The following MTUS2 variants were observed in gnomAD, a reference collection of about 807,000 sequenced individuals.
The protein encoded by MTUS2 is microtubule associated scaffold protein 2, also known as microtubule-associated tumor suppressor candidate 2.
Under a neutral mutation model 114.1 loss-of-function variants are expected in MTUS2, and 40 were observed. The observed-to-expected ratio is 0.35, with a 90% CI of 0.27 to 0.46. The LOEUF (loss-of-function observed/expected upper bound fraction) is 0.46. Among genes scored for constraint, MTUS2 ranks in the 20% least tolerant of loss-of-function variants. MTUS2 has a pLI of 1.00. For missense variants in MTUS2, 1,679 were observed against 1,705.4 expected, an observed-to-expected ratio of 0.98 and a Z score of 0.27; for synonymous variants, 688 against 672.0, an observed-to-expected ratio of 1.02 and a Z score of -0.37.
chr13:29,057,169 T>G (rs1285158162), intron 4 of MTUS2, among the ~76,000 whole-genome samples: 1 of 152,092 alleles, frequency 6.6e-6, no homozygotes, highest in Non-Finnish European at 1.5e-5. Flanking sequence ...AGTGTGTTTG[T>G]TATGATTTTG....
rs555402550 is a variant in MTUS2 at position 29,159,367 on chromosome 13, G to A, written c.2644+58397G>A. Among the ~76,000 whole-genome samples, 15 of 152,156 alleles carry A rather than the reference G, an allele frequency of 9.9e-5. No individual in the cohort carries two copies. The South Asian group carries it at 2.5e-3, about 25-fold the overall frequency. On this transcript the variant is annotated intron_variant, in intron 5 of 15. Transcript: ENST00000612955. ...TATATACACATAGACACATACATACGTACTCTGGACTTAAATGTGAAACAT... is the reference window on the plus strand; with the variant it reads ...TATATACACATAGACACATACATACATACTCTGGACTTAAATGTGAAACAT...
chr13:29,052,445 C>G (rs1887941335), intron 4 of MTUS2, among the ~76,000 whole-genome samples: 1 of 124,228 alleles, frequency 8.0e-6, no homozygotes. Flanking sequence ...CACACCACTG[C>G]ATGCTAGCCT....
chr13:29,268,783 C>T (rs916984305), intron 5 of MTUS2, among the ~76,000 whole-genome samples: 2 of 152,144 alleles, frequency 1.3e-5, no homozygotes, highest in African/African-American at 4.8e-5. Flanking sequence ...AGGCAACAGT[C>T]CAGTTGTGCG....
chr13:29,334,981 TG>T (rs1389284519), intron 7 of MTUS2, among the ~76,000 whole-genome samples: 1 of 152,172 alleles, frequency 6.6e-6, no homozygotes, highest in Admixed American at 6.5e-5. Context: ...CTGTAGAGCA[TG>T]TGTGTTTGAA....
intron 5 of MTUS2, among the ~76,000 whole-genome samples, chr13:29,161,316 G>A (rs759949681): frequency 4.6e-5 from 7 of 152,018 alleles, no homozygotes; most frequent in African/African-American, 1.7e-4. Context: ...AGAAGATTGC[G>A]CCGTATTAAT....
chr13:28,943,981 GT>G (rs1419332136), intron 2 of MTUS2, among the ~76,000 whole-genome samples: 1 of 151,898 alleles, frequency 6.6e-6, no homozygotes, highest in Non-Finnish European at 1.5e-5. Context: ...TTTTTTCCTA[GT>G]TTTTTGTTTG....
At chr13:29,123,421 A>G (rs1485006231) in intron 5 of MTUS2, among the ~76,000 whole-genome samples, 1 of 152,136 alleles carries the variant, frequency 6.6e-6, no homozygotes, top group African/African-American at 2.4e-5. Context: ...TTAATATTTA[A>G]AACACAAACC....
intron 6 of MTUS2, among the ~76,000 whole-genome samples, chr13:29,314,769 A>C (rs920471212): frequency 1.3e-5 from 2 of 152,148 alleles, no homozygotes; most frequent in African/African-American, 4.8e-5. Context: ...TCAGTACAGA[A>C]CTTTGTTTTA....
chr13:29,255,762 G>A (rs377015581), intron 5 of MTUS2, among the ~76,000 whole-genome samples: 1 of 152,110 alleles, frequency 6.6e-6, no homozygotes, highest in East Asian at 1.9e-4. Flanking sequence ...AGCAGGGACA[G>A]TGCTACCTAG....
At chr13:29,389,355 A>G (rs552430008) in intron 8 of MTUS2, among the ~76,000 whole-genome samples, 1,031 of 82,564 alleles carry the variant, frequency 0.012, 159 homozygotes, top group African/African-American at 0.046. Context: ...GTGTGTGTAT[A>G]TATGTATGCA....
chr13:29,478,427 A>G (rs1880871340), intron 9 of MTUS2, among the ~76,000 whole-genome samples: 1 of 152,210 alleles, frequency 6.6e-6, no homozygotes, highest in Admixed American at 6.5e-5. Flanking sequence ...TTATACAATA[A>G]TGTCCTTGTA....
intron 5 of MTUS2, among the ~76,000 whole-genome samples, chr13:29,160,162 G>C (rs544933649): frequency 6.6e-6 from 1 of 152,142 alleles, no homozygotes; most frequent in Admixed American, 6.5e-5. Context: ...GCTACTTAGC[G>C]GTAATCAGGA....
At chr13:29,077,408 G>T (rs551518553) in intron 4 of MTUS2, among the ~76,000 whole-genome samples, 1 of 151,930 alleles carries the variant, frequency 6.6e-6, no homozygotes, top group Non-Finnish European at 1.5e-5. Context: ...AAAAAAAAAT[G>T]AGCCCAAACA....
chr13:28,891,589 A>C (rs1176446736), intron 2 of MTUS2, among the ~76,000 whole-genome samples: 1 of 152,106 alleles, frequency 6.6e-6, no homozygotes, highest in African/African-American at 2.4e-5. Context: ...ATAAATAAGA[A>C]TAACAACAGG....
chr13:29,111,401 C>G (rs759486765), intron 5 of MTUS2, among the ~76,000 whole-genome samples: 2 of 152,190 alleles, frequency 1.3e-5, no homozygotes, highest in Non-Finnish European at 2.9e-5. Context: ...CTTACCCTCT[C>G]TCTAATGCCG....
At chr13:28,863,683 T>C (rs896446543) in intron 2 of MTUS2, among the ~76,000 whole-genome samples, 10 of 152,258 alleles carry the variant, frequency 6.6e-5, no homozygotes, top group African/African-American at 2.4e-4. Flanking sequence ...TTTTAAAAAT[T>C]AATTTATATT....
chr13:29,056,163 A>T (rs1179064100), intron 4 of MTUS2, among the ~76,000 whole-genome samples: 1 of 151,886 alleles, frequency 6.6e-6, no homozygotes, highest in Non-Finnish European at 1.5e-5. Context: ...ATTTCCTCCT[A>T]TGTCCAGATA....
chr13:29,232,536 C>A (rs552701896), intron 5 of MTUS2, among the ~76,000 whole-genome samples: 1 of 152,316 alleles, frequency 6.6e-6, no homozygotes, highest in South Asian at 2.1e-4. Flanking sequence ...GGTTTCTAAT[C>A]TGTTTTACAG....
intron 2 of MTUS2, among the ~76,000 whole-genome samples, chr13:28,887,338 G>A (rs745637483): frequency 3.3e-5 from 5 of 152,072 alleles, no homozygotes; most frequent in African/African-American, 7.2e-5. Context: ...CTCCCTGGAC[G>A]CTACTCGTTT....
Sources: gnomAD v4.1 joint callset for allele counts (sites outside exome capture counted in the v4.1 genomes callset) on GRCh38, gnomAD v4.1.1 for gene constraint, MANE v1.5 for transcripts, NCBI Gene and HGNC (gene_info 2026-07-23, HGNC 2026-07-21) for gene names.